The following RSRP1 variants were observed in gnomAD, a reference collection of about 807,000 sequenced individuals.
RSRP1 encodes the protein arginine and serine rich protein 1.
RSRP1 carries 37 observed loss-of-function variants against 33.0 expected under a neutral mutation model. The observed-to-expected ratio is 1.12, with a 90% CI of 0.86 to 1.48. RSRP1 has a LOEUF of 1.48. Ranked by LOEUF, RSRP1 falls within the 40% of genes most tolerant of loss-of-function variation. The probability of loss-of-function intolerance (pLI) is 0.00; values close to 1 mark genes in which losing one functional copy is unlikely to be tolerated. For synonymous variants in RSRP1, 167 were observed against 158.7 expected (o/e 1.05, Z -0.40); for missense variants, 402 against 385.3 (o/e 1.04, Z -0.36).
chr1:25,248,704 T>G (rs926358786), upstream of RSRP1, among the ~76,000 whole-genome samples: 1 of 152,138 alleles, frequency 6.6e-6, no homozygotes, highest in African/African-American at 2.4e-5. Context: ...ACCCCACATC[T>G]CCGCAGTTCA....
chr1:25,244,667 T>C, intron 3 of RSRP1: 3 of 1,204,346 alleles, frequency 2.5e-6, no homozygotes, highest in Non-Finnish European at 3.1e-6. Flanking sequence ...AAGAGTACAC[T>C]GTTAACTGAA....
At chr1:25,307,299 G>A (rs1264864939) in intron 1 of RSRP1, among the ~76,000 whole-genome samples, 2 of 131,838 alleles carry the variant, frequency 1.5e-5, no homozygotes, top group Admixed American at 1.5e-4. Flanking sequence ...CTCCAGACCA[G>A]AGGTAGGTCC....
At chr1:25,258,505 A>C (rs894166171) in intron 1 of RSRP1, among the ~76,000 whole-genome samples, 9 of 152,156 alleles carry the variant, frequency 5.9e-5, no homozygotes, top group Non-Finnish European at 1.3e-4. Flanking sequence ...TGGGAGAAGA[A>C]GACTTTTTGG....
At chr1:25,250,996 G>A (rs950687085), upstream of RSRP1, among the ~76,000 whole-genome samples, 3 of 151,424 alleles carry the variant, frequency 2.0e-5, no homozygotes, top group Admixed American at 6.6e-5. Flanking sequence ...GCAACACAGC[G>A]AGACTCCAAC....
chr1:25,285,591 G>A (rs1374307131), intron 1 of RSRP1, among the ~76,000 whole-genome samples: 1 of 135,170 alleles, frequency 7.4e-6, no homozygotes, highest in Non-Finnish European at 1.8e-5. Context: ...GGTGCCAGAA[G>A]TCAGAATAGT....
chr1:25,305,757 C>T (rs1163030081), intron 1 of RSRP1, among the ~76,000 whole-genome samples: 4 of 130,180 alleles, frequency 3.1e-5, no homozygotes, highest in Admixed American at 3.0e-4. Context: ...CCCACCACCA[C>T]GCCCAGCTAA....
rs1467274974 is a variant in RSRP1, at chr1:25,313,078, TC to T, written c.-67+24899del. On this transcript the variant is annotated intron_variant, in intron 1 of 1. Coordinates refer to the RSRP1 transcript ENST00000561867. Reference sequence around the variant, plus strand: ...TGTGTTGGAAACTTAATCTCCAAATTCATATGTTGATGAAATTGGAGGTGAA... The same window carrying T: ...TGTGTTGGAAACTTAATCTCCAAATTATATGTTGATGAAATTGGAGGTGAA... 4.7e-5 allele frequency among the ~76,000 whole-genome samples: 6 copies of T among 128,348 alleles called. 2 individuals carry two copies. The allele number at this position is 128,348 out of a possible 152,430, so 84.2% of individuals were successfully genotyped here.
At chr1:25,286,295 CCTGA>C (rs1288291217) in intron 1 of RSRP1, among the ~76,000 whole-genome samples, 1 of 135,314 alleles carries the variant, frequency 7.4e-6, no homozygotes. Flanking sequence ...TTAAGACCAG[CCTGA>C]CTAACACAGT....
At chr1:25,287,210 C>G (rs1642101521) in intron 1 of RSRP1, among the ~76,000 whole-genome samples, 1 of 135,494 alleles carries the variant, frequency 7.4e-6, no homozygotes, top group Admixed American at 7.1e-5. Context: ...AAAGGGCACC[C>G]TGGGGGATTT....
intron 1 of RSRP1, among the ~76,000 whole-genome samples, chr1:25,270,944 CAT>C (rs1253377808): frequency 2.3e-5 from 3 of 130,126 alleles, no homozygotes; most frequent in African/African-American, 7.9e-5. Flanking sequence ...CGTGTGCTAA[CAT>C]ATTATTTTAT....
chr1:25,244,636 A>G lies in RSRP1; in HGVS notation c.672+514T>C. On this transcript the variant is annotated intron_variant, in intron 3 of 4. Transcript: ENST00000243189. ...AACTAGTAATAGAAATCACCAAAGT[A>G]CCAGCTAATAACGGTGTTATAAGAG... The G allele has an allele frequency of 5.6e-6, 7 of 1,244,292 alleles. No individual in the cohort carries two copies. In the South Asian group the frequency reaches 9.4e-5, roughly 17 times the overall value. 77.1% of individuals were successfully genotyped at this position (1,244,292 alleles called of 1,614,324 possible).
At chr1:25,337,030 A>C (rs997499302) in intron 1 of RSRP1, 6 of 160,214 alleles carry the variant, frequency 3.7e-5, no homozygotes, top group African/African-American at 1.4e-4. Context: ...CTTAACGACA[A>C]TTGACCCACC....
intron 1 of RSRP1, among the ~76,000 whole-genome samples, chr1:25,312,912 C>G (rs1308461816): frequency 8.7e-5 from 1 of 11,448 alleles, no homozygotes; most frequent in African/African-American, 1.7e-4. Flanking sequence ...AGAGCAAAAT[C>G]CCATCTCTAA....
rs984901923 is a variant in RSRP1 at position 25,242,389 on chromosome 1, G to T, written c.*200C>A. The stretch of plus-strand genomic sequence containing the variant: ...AGACTCCCACCTGTGCATAACCTTT[G>T]GTCCATCTGTGCTATCTCTCATATC... On this transcript the variant is annotated 3_prime_UTR_variant, in exon 5 of 5. Coordinates refer to ENST00000243189, the MANE Select transcript of RSRP1 (RefSeq NM_020317.5). 7 of 417,772 alleles carry T rather than the reference G, an allele frequency of 1.7e-5. No individual in the cohort carries two copies. Among genetic ancestry groups the T allele is most frequent in the African/African-American group, 4.0e-5 (2 of 49,996 alleles). 25.9% of individuals were successfully genotyped at this position (417,772 alleles called of 1,614,324 possible).
At chr1:25,265,354 T>C (rs1451337850) in intron 1 of RSRP1, among the ~76,000 whole-genome samples, 3 of 26,914 alleles carry the variant, frequency 1.1e-4, no homozygotes, top group Admixed American at 8.1e-4. Flanking sequence ...ACAGTTGCAG[T>C]GGTTAGAGTA....
At chr1:25,275,712 G>T (rs1204930369) in intron 1 of RSRP1, among the ~76,000 whole-genome samples, 1 of 132,692 alleles carries the variant, frequency 7.5e-6, no homozygotes, top group Non-Finnish European at 1.8e-5. Flanking sequence ...AATCATAATG[G>T]TGTCAATCTC....
intron 3 of RSRP1, chr1:25,244,938 G>A: frequency 7.1e-7 from 1 of 1,411,828 alleles, no homozygotes; most frequent in South Asian, 1.5e-5. Context: ...CCTCATTACA[G>A]GCATGAGGCA....
Position 25,311,474 on chromosome 1 carries a change from A to G in RSRP1, c.-67+26504T>C, listed in dbSNP as rs1262137085. 2.5e-4 allele frequency among the ~76,000 whole-genome samples: 32 copies of G among 130,324 alleles called. 6 individuals carry two copies. Among genetic ancestry groups the G allele is most frequent in the Admixed American group, 1.6e-3 (22 of 13,460 alleles). 85.5% of individuals were successfully genotyped at this position (130,324 alleles called of 152,430 possible). Reference sequence around the variant, plus strand: ...CGGGAGGCAGAGCTTGCAGTGAGCCAAGATCGCGCCACTGCACTCCAGCCT... The same window carrying G: ...CGGGAGGCAGAGCTTGCAGTGAGCCGAGATCGCGCCACTGCACTCCAGCCT... On this transcript the variant is annotated intron_variant, in intron 1 of 1. Transcript: ENST00000561867.
intron 1 of RSRP1, among the ~76,000 whole-genome samples, chr1:25,302,132 G>A (rs752832689): frequency 1.5e-5 from 2 of 131,258 alleles, no homozygotes; most frequent in Non-Finnish European, 1.8e-5. Context: ...CCACTTCAAC[G>A]TTTTGAGTCT....
Sources: allele counts gnomAD v4.1 joint callset (sites outside exome capture counted in the v4.1 genomes callset), GRCh38; gene constraint gnomAD v4.1.1; transcripts MANE v1.5; gene names NCBI Gene and HGNC (gene_info 2026-07-23, HGNC 2026-07-21).